CDH13: variants seen among roughly 807,000 people sequenced by gnomAD.
The protein encoded by CDH13 is cadherin-13.
CDH13 carries 24 observed loss-of-function variants against 63.8 expected under a neutral mutation model. The ratio of observed to expected loss-of-function variants is 0.38; its 90% CI spans 0.27 to 0.53. The LOEUF (loss-of-function observed/expected upper bound fraction) is 0.53, where lower values mean the gene tolerates loss of function less well. Ranked by LOEUF, CDH13 falls within the 20% of genes least tolerant of loss-of-function variation. The pLI, the probability that CDH13 is intolerant of heterozygous loss-of-function variation, is 0.85. For synonymous variants in CDH13, 503 were observed against 355.3 expected (o/e 1.42, Z -4.67); for missense variants, 1,049 against 903.1 (o/e 1.16, Z -2.07).
At chr16:83,454,304 G>A (rs1291943260) in intron 6 of CDH13, among the ~76,000 whole-genome samples, 1 of 152,192 alleles carries the variant, frequency 6.6e-6, no homozygotes, top group African/African-American at 2.4e-5. Flanking sequence ...AATCTGTTTT[G>A]TGTGCATGAT....
At chr16:83,526,569 C>T (rs1021863607) in intron 7 of CDH13, among the ~76,000 whole-genome samples, 21 of 152,192 alleles carry the variant, frequency 1.4e-4, no homozygotes, top group African/African-American at 5.1e-4. Context: ...TGGTAATGCT[C>T]GCTTGCTAGC....
intron 2 of CDH13, among the ~76,000 whole-genome samples, chr16:82,919,023 C>A (rs1380085028): frequency 6.6e-6 from 1 of 152,024 alleles, no homozygotes; most frequent in Non-Finnish European, 1.5e-5. Flanking sequence ...ATTTACATTT[C>A]TTTAGTAAAA....
chr16:83,791,166 A>G (rs1355881226), intron 13 of CDH13, among the ~76,000 whole-genome samples: 1 of 152,084 alleles, frequency 6.6e-6, no homozygotes, highest in Non-Finnish European at 1.5e-5. Flanking sequence ...AAAAAAGAAA[A>G]AAAAGCCCCA....
At chr16:82,777,092 T>C (rs2035534225) in intron 1 of CDH13, among the ~76,000 whole-genome samples, 1 of 152,174 alleles carries the variant, frequency 6.6e-6, no homozygotes, top group African/African-American at 2.4e-5. Context: ...ACTACAGACA[T>C]ACACTACCAC....
At chr16:82,860,909 C>T (rs935668935) in intron 2 of CDH13, among the ~76,000 whole-genome samples, 1 of 152,102 alleles carries the variant, frequency 6.6e-6, no homozygotes, top group Non-Finnish European at 1.5e-5. Flanking sequence ...TATTTTAAGC[C>T]AGTCTCACTC....
rs527894450 is a variant in CDH13, at chr16:83,297,505, A to G, written c.637-47357A>G. On this transcript the variant is annotated intron_variant, in intron 5 of 13. Transcript: ENST00000567109. ...ACAAATGCTGTTCTCAAATAGCTCT[A>G]ACTTATCTCTCATGCACCAGAGCAC... Among the ~76,000 whole-genome samples the G allele has an allele frequency of 2.0e-5, 3 of 152,270 alleles. No individual in the cohort carries two copies. The South Asian group carries it at 6.2e-4, about 32-fold the overall frequency.
chr16:83,726,885 A>G (rs566660376), intron 10 of CDH13, among the ~76,000 whole-genome samples: 5 of 152,058 alleles, frequency 3.3e-5, no homozygotes, highest in African/African-American at 1.2e-4. Flanking sequence ...CTGTCAGTCA[A>G]GAGTATTCTG....
chr16:83,707,521 T>G (rs1907263907), intron 10 of CDH13, among the ~76,000 whole-genome samples: 1 of 152,170 alleles, frequency 6.6e-6, no homozygotes, highest in South Asian at 2.1e-4. Flanking sequence ...ATAATATCTG[T>G]GATATGCCAG....
chr16:82,963,695 C>T (rs1291799574), intron 2 of CDH13, among the ~76,000 whole-genome samples: 1 of 152,182 alleles, frequency 6.6e-6, no homozygotes, highest in African/African-American at 2.4e-5. Flanking sequence ...ATCCTCAACA[C>T]CTGTTACAAT....
At chr16:83,297,673 C>T (rs1239577956) in intron 5 of CDH13, among the ~76,000 whole-genome samples, 1 of 152,092 alleles carries the variant, frequency 6.6e-6, no homozygotes, top group Non-Finnish European at 1.5e-5. Flanking sequence ...GACATAACTT[C>T]AACCAGTCAA....
intron 1 of CDH13, among the ~76,000 whole-genome samples, chr16:82,766,822 T>C (rs942544037): frequency 6.6e-6 from 1 of 152,190 alleles, no homozygotes; most frequent in African/African-American, 2.4e-5. Flanking sequence ...TAACATATAA[T>C]ATTGACCTTA....
intron 1 of CDH13, among the ~76,000 whole-genome samples, chr16:82,689,598 A>T (rs892711594): frequency 1.3e-5 from 2 of 152,166 alleles, no homozygotes; most frequent in African/African-American, 4.8e-5. Flanking sequence ...GTTTTCTGGG[A>T]TGTTGCTGCA....
rs187254915 is a variant in CDH13 at position 82,952,593 on chromosome 16, T to A, written c.158-79417T>A. On this transcript the variant is annotated intron_variant, in intron 2 of 13. Coordinates refer to ENST00000567109, the MANE Select transcript of CDH13 (RefSeq NM_001257.5). ...TTGAATATAATAACAGTAGCTAATA[T>A]CTGTTTACTTATTACCTGCTAGGCA... Among the ~76,000 whole-genome samples the A allele has an allele frequency of 7.9e-5, 12 of 152,320 alleles. No individual in the cohort carries two copies. The East Asian group carries it at 2.3e-3, about 29-fold the overall frequency.
At chr16:83,203,199 G>C (rs1007211461) in intron 4 of CDH13, among the ~76,000 whole-genome samples, 4 of 152,024 alleles carry the variant, frequency 2.6e-5, no homozygotes, top group African/African-American at 9.7e-5. Flanking sequence ...ACTCCAGCCT[G>C]GGCAACAAGA....
At chr16:82,968,160 G>T in intron 2 of CDH13, among the ~76,000 whole-genome samples, 1 of 151,960 alleles carries the variant, frequency 6.6e-6, no homozygotes, top group African/African-American at 2.4e-5. Context: ...TATTCTGTAG[G>T]GTAACAATCT....
chr16:83,098,281 A>AT (rs2151596077), intron 3 of CDH13, among the ~76,000 whole-genome samples: 1 of 152,192 alleles, frequency 6.6e-6, no homozygotes, highest in East Asian at 1.9e-4. Flanking sequence ...AAACACTTTC[A>AT]TTTTCTCCTT....
intron 6 of CDH13, among the ~76,000 whole-genome samples, chr16:83,346,932 A>G (rs1418940673): frequency 6.6e-6 from 1 of 152,224 alleles, no homozygotes; most frequent in Non-Finnish European, 1.5e-5. Flanking sequence ...TCCTATAAAA[A>G]TACATAAAGA....
intron 5 of CDH13, among the ~76,000 whole-genome samples, chr16:83,254,901 A>G (rs1474882609): frequency 6.6e-6 from 1 of 152,184 alleles, no homozygotes; most frequent in African/African-American, 2.4e-5. Context: ...GCTAAAACTC[A>G]TCTGTCTAAA....
chr16:83,281,544 A>G (rs1427044951), intron 5 of CDH13, among the ~76,000 whole-genome samples: 1 of 152,114 alleles, frequency 6.6e-6, no homozygotes, highest in Non-Finnish European at 1.5e-5. Flanking sequence ...CTTTGCATTC[A>G]TAATTCAGCT....
Sources: gnomAD v4.1 joint callset for allele counts (sites outside exome capture counted in the v4.1 genomes callset) on GRCh38, gnomAD v4.1.1 for gene constraint, MANE v1.5 for transcripts, NCBI Gene and HGNC (gene_info 2026-07-23, HGNC 2026-07-21) for gene names.